RPS6KA2: variants seen among roughly 807,000 people sequenced by gnomAD.
RPS6KA2 encodes ribosomal protein S6 kinase alpha-2.
RPS6KA2 carries 42 observed loss-of-function variants against 91.8 expected under a neutral mutation model. The ratio of observed to expected loss-of-function variants is 0.46; its 90% CI spans 0.36 to 0.59. The LOEUF is 0.59. Ranked by LOEUF, RPS6KA2 falls within the 20% of genes least tolerant of loss-of-function variation. The pLI is 0.00. For missense variants in RPS6KA2, 798 were observed against 978.5 expected, an observed-to-expected ratio of 0.82 and a Z score of 2.46; for synonymous variants, 414 against 393.6, an observed-to-expected ratio of 1.05 and a Z score of -0.61.
chr6:166,747,826 G>A (rs756080273), intron 2 of RPS6KA2, among the ~76,000 whole-genome samples: 17 of 152,312 alleles, frequency 1.1e-4, no homozygotes, highest in Non-Finnish European at 1.8e-4. Context: ...CAATGCAAAC[G>A]ACCTCTGCAG....
At chr6:166,457,033 A>G (rs1780127385) in intron 12 of RPS6KA2, among the ~76,000 whole-genome samples, 1 of 152,270 alleles carries the variant, frequency 6.6e-6, no homozygotes, top group Admixed American at 6.5e-5. Context: ...AGGCATGTCC[A>G]TATGAATATT....
At chr6:166,791,128 G>A (rs1583123221) in intron 2 of RPS6KA2, among the ~76,000 whole-genome samples, 1 of 152,282 alleles carries the variant, frequency 6.6e-6, no homozygotes, top group East Asian at 1.9e-4. Context: ...CATCTCATGT[G>A]CAGAGACACA....
intron 2 of RPS6KA2, among the ~76,000 whole-genome samples, chr6:166,670,572 T>G (rs9348170): frequency 0.28 from 43,283 of 152,110 alleles, 6,222 homozygotes; most frequent in Middle Eastern, 0.34. Context: ...AAGTGATTAG[T>G]CTTCAATGAG....
At chr6:166,496,928 A>T (rs1781806661) in intron 8 of RPS6KA2, among the ~76,000 whole-genome samples, 1 of 152,216 alleles carries the variant, frequency 6.6e-6, no homozygotes, top group African/African-American at 2.4e-5. Context: ...CAAAACCTGC[A>T]CCAGCGTGGG....
At chr6:166,467,115 T>TTCACTCACTCCCTCAC (rs1204508906) in intron 11 of RPS6KA2, among the ~76,000 whole-genome samples, 240 of 149,688 alleles carry the variant, frequency 1.6e-3, no homozygotes, top group African/African-American at 5.7e-3. Flanking sequence ...CACTCCCTCA[T>TTCACTCACTCCCTCAC]TCACTCACTC....
chr6:166,667,995 C>A (rs566625517), intron 2 of RPS6KA2, among the ~76,000 whole-genome samples: 1 of 152,272 alleles, frequency 6.6e-6, no homozygotes, highest in African/African-American at 2.4e-5. Flanking sequence ...ACAGCGGGAG[C>A]TCATGAGATG....
chr6:166,464,176 A>C (rs1479525766), intron 11 of RPS6KA2, among the ~76,000 whole-genome samples: 1 of 152,166 alleles, frequency 6.6e-6, no homozygotes, highest in Non-Finnish European at 1.5e-5. Context: ...TGTGGGCAAG[A>C]AGACCAAAGT....
intron 2 of RPS6KA2, among the ~76,000 whole-genome samples, chr6:166,682,702 G>A (rs1003053114): frequency 2.0e-5 from 3 of 152,158 alleles, no homozygotes; most frequent in Admixed American, 6.5e-5. Flanking sequence ...CTTCATAGCC[G>A]GGACAAGCTC....
chr6:166,737,206 C>T lies in RPS6KA2; in HGVS notation c.123+120994G>A, dbSNP rs974477723. Among the ~76,000 whole-genome samples, 1 of 152,156 alleles carries T rather than the reference C, an allele frequency of 6.6e-6. No homozygotes were observed. Among genetic ancestry groups the T allele is most frequent in the Admixed American group, 6.5e-5 (1 of 15,282 alleles). On this transcript the variant is annotated intron_variant, in intron 2 of 21. Transcript: ENST00000503859. This position sits in a 1 kb window ranked among gnomAD's most constrained non-coding sequence, Gnocchi z 4.3. ...CATCAGTTGCCAAATATTGATTATTCTCTGTTTAGTCTACAATGAACCAGA... is the reference window on the plus strand; with the variant it reads ...CATCAGTTGCCAAATATTGATTATTTTCTGTTTAGTCTACAATGAACCAGA...
intron 2 of RPS6KA2, among the ~76,000 whole-genome samples, chr6:166,742,612 G>A (rs556798030): frequency 6.6e-6 from 1 of 152,230 alleles, no homozygotes; most frequent in South Asian, 2.1e-4. Context: ...TGCATCCTAG[G>A]TCCTTCATCC....
intron 17 of RPS6KA2, among the ~76,000 whole-genome samples, chr6:166,420,299 T>G (rs967233604): frequency 6.6e-6 from 1 of 152,164 alleles, no homozygotes; most frequent in African/African-American, 2.4e-5. Context: ...AGTGCACAGT[T>G]TAGCAGCATT....
chr6:166,586,198 G>A, intron 1 of RPS6KA2: 1 of 1,586,244 alleles, frequency 6.3e-7, no homozygotes, highest in South Asian at 1.1e-5. Context: ...TCTTGTCTGT[G>A]TTGCGGGTAG....
chr6:166,562,672 G>T (rs1784377984), intron 1 of RPS6KA2, among the ~76,000 whole-genome samples: 1 of 152,212 alleles, frequency 6.6e-6, no homozygotes, highest in South Asian at 2.1e-4. Flanking sequence ...AACCTGGCGG[G>T]AAAGACAAAC....
intron 2 of RPS6KA2, among the ~76,000 whole-genome samples, chr6:166,669,145 C>T (rs1485120730): frequency 6.6e-6 from 1 of 152,118 alleles, no homozygotes; most frequent in African/African-American, 2.4e-5. Context: ...CCGCCCACTT[C>T]AGCCTCCCAA....
Position 166,825,768 on chromosome 6 carries a change from C to A in RPS6KA2, c.123+32432G>T, listed in dbSNP as rs1022548724. Among the ~76,000 whole-genome samples, 2 of 152,138 alleles carry A rather than the reference C, an allele frequency of 1.3e-5. No homozygotes were observed. The highest frequency in any genetic ancestry group is 2.1e-4 in the South Asian group (1 of 4,830). ...ACTAATCCCATGAATGAGGCTCCACCCTCATGAACCCATCATCTCCCGAGG... is the reference window on the plus strand; with the variant it reads ...ACTAATCCCATGAATGAGGCTCCACACTCATGAACCCATCATCTCCCGAGG... On this transcript the variant is annotated intron_variant, in intron 2 of 21. Coordinates refer to the RPS6KA2 transcript ENST00000503859. The surrounding 1 kb of genome is among the most constrained non-coding windows in gnomAD (Gnocchi z 4.1).
rs1047829292 is a variant in RPS6KA2 at position 166,445,246 on chromosome 6, G to T, written c.1332+3478C>A. 6.6e-6 allele frequency among the ~76,000 whole-genome samples: 1 copy of T among 152,062 alleles called. No individual in the cohort carries two copies. Among genetic ancestry groups the T allele is most frequent in the Non-Finnish European group, 1.5e-5 (1 of 68,004 alleles). ...CACAGTGGGGTGGGGGTGGGGGGCTGCCCGCAGCACGTGGGGAACACTGAG... is the reference window on the plus strand; with the variant it reads ...CACAGTGGGGTGGGGGTGGGGGGCTTCCCGCAGCACGTGGGGAACACTGAG... On this transcript the variant is annotated intron_variant, in intron 14 of 20. Coordinates refer to ENST00000265678, the MANE Select transcript of RPS6KA2 (RefSeq NM_021135.6). The surrounding 1 kb of genome is among the most constrained non-coding windows in gnomAD (Gnocchi z 4.5).
chr6:166,716,381 C>T (rs570291182), intron 2 of RPS6KA2, among the ~76,000 whole-genome samples: 230 of 152,302 alleles, frequency 1.5e-3, no homozygotes, highest in African/African-American at 3.8e-3. Context: ...GAGCCTGTCC[C>T]GGCAGCTCAG....
intron 2 of RPS6KA2, among the ~76,000 whole-genome samples, chr6:166,836,197 CTGTTTT>C (rs777893600): frequency 1.2e-4 from 18 of 151,832 alleles, no homozygotes; most frequent in Non-Finnish European, 2.4e-4. Context: ...CTATAGTTTT[CTGTTTT>C]TGTTTTTGTT....
intron 2 of RPS6KA2, among the ~76,000 whole-genome samples, chr6:166,681,170 T>G (rs1562379738): frequency 6.6e-6 from 1 of 152,204 alleles, no homozygotes; most frequent in Non-Finnish European, 1.5e-5. Context: ...CCACTGCGTT[T>G]AGAAAATGCA....
Sources: allele counts gnomAD v4.1 joint callset (sites outside exome capture counted in the v4.1 genomes callset), GRCh38; gene constraint gnomAD v4.1.1; non-coding constraint Gnocchi (gnomAD v3.1); transcripts MANE v1.5; gene names NCBI Gene and HGNC (gene_info 2026-07-23, HGNC 2026-07-21).